The following TWSG1 variants were observed in gnomAD, a reference collection of about 807,000 sequenced individuals.
TWSG1 encodes twisted gastrulation protein homolog 1.
A neutral mutation model predicts 23.0 loss-of-function variants in TWSG1; 15 were observed. The observed-to-expected ratio is 0.65, with a 90% confidence interval of 0.44 to 1.00. TWSG1 has a LOEUF of 1.00. Ranked by LOEUF, TWSG1 falls within the 50% of genes least tolerant of loss-of-function variation. TWSG1 has a pLI of 0.00. For missense variants in TWSG1, 242 were observed against 278.7 expected (o/e 0.87, Z 0.94); for synonymous variants, 86 against 92.8 (o/e 0.93, Z 0.42).
chr18:9,362,415 C>G (rs1006100899), intron 3 of TWSG1, among the ~76,000 whole-genome samples: 1 of 152,080 alleles, frequency 6.6e-6, no homozygotes, highest in African/African-American at 2.4e-5. Flanking sequence ...GCCATGTTGC[C>G]CAGGCTGGTC....
intron 3 of TWSG1, among the ~76,000 whole-genome samples, chr18:9,364,530 C>T (rs889308701): frequency 9.2e-5 from 14 of 152,124 alleles, no homozygotes; most frequent in East Asian, 3.9e-4. Flanking sequence ...TGGTGGCTCA[C>T]GCGTATAATC....
chr18:9,387,746 G>C (rs1392380195), intron 3 of TWSG1, among the ~76,000 whole-genome samples: 1 of 146,544 alleles, frequency 6.8e-6, no homozygotes, highest in Non-Finnish European at 1.5e-5. Flanking sequence ...CTCTAGTCTG[G>C]GCAACAAGAG....
At chr18:9,371,575 G>A (rs529438351) in intron 3 of TWSG1, among the ~76,000 whole-genome samples, 1 of 152,092 alleles carries the variant, frequency 6.6e-6, no homozygotes, top group Admixed American at 6.5e-5. Context: ...GATTACAGGC[G>A]TGAGCCACTG....
At chr18:9,377,281 C>T (rs1193239278) in intron 3 of TWSG1, among the ~76,000 whole-genome samples, 6 of 150,180 alleles carry the variant, frequency 4.0e-5, no homozygotes, top group East Asian at 2.0e-4. Context: ...TGCAGTGGTG[C>T]GACCTCGGCT....
At chr18:9,355,038 C>A (rs2040519015) in intron 2 of TWSG1, among the ~76,000 whole-genome samples, 1 of 152,028 alleles carries the variant, frequency 6.6e-6, no homozygotes, top group African/African-American at 2.4e-5. Flanking sequence ...TCACTGCATA[C>A]TCCGCCTCCC....
At chr18:9,388,631 G>A (rs754920088) in intron 3 of TWSG1, among the ~76,000 whole-genome samples, 13 of 152,208 alleles carry the variant, frequency 8.5e-5, no homozygotes, top group Non-Finnish European at 1.8e-4. Flanking sequence ...TTTAATTTAT[G>A]AATGTTTTTG....
intron 1 of TWSG1, among the ~76,000 whole-genome samples, chr18:9,336,274 C>G (rs2040422726): frequency 6.6e-6 from 1 of 152,012 alleles, no homozygotes; most frequent in Non-Finnish European, 1.5e-5. Flanking sequence ...CTCCTGTGAT[C>G]CCAGCTACTC....
rs1385800800 is a variant in TWSG1, at chr18:9,351,638, T to G, written c.124-8334T>G. Reference sequence around the variant, plus strand: ...CCATGCTGGGTTTTTTTTTTTTTTTTTGTCTTTTTGTTTTTTTGTTTTTTG... The same window carrying G: ...CCATGCTGGGTTTTTTTTTTTTTTTGTGTCTTTTTGTTTTTTTGTTTTTTG... On this transcript the variant is annotated intron_variant, in intron 2 of 4. Transcript: ENST00000262120. 4.0e-5 allele frequency among the ~76,000 whole-genome samples: 6 copies of G among 150,454 alleles called. No homozygotes were observed. In the South Asian group the frequency reaches 8.4e-4, roughly 21 times the overall value.
chr18:9,361,482 G>A (rs1415296878), intron 3 of TWSG1, among the ~76,000 whole-genome samples: 1 of 152,170 alleles, frequency 6.6e-6, no homozygotes, highest in Non-Finnish European at 1.5e-5. Flanking sequence ...ATGGAATGTA[G>A]TTTGCCTCAC....
intron 3 of TWSG1, among the ~76,000 whole-genome samples, chr18:9,388,715 C>T (rs1242760255): frequency 1.3e-5 from 2 of 152,136 alleles, no homozygotes; most frequent in African/African-American, 2.4e-5. Flanking sequence ...AATGAGCTTT[C>T]ATTTATTTAT....
intron 3 of TWSG1, among the ~76,000 whole-genome samples, chr18:9,378,879 G>A (rs575144426): frequency 1.3e-5 from 2 of 150,660 alleles, no homozygotes; most frequent in East Asian, 1.9e-4. Flanking sequence ...TACTACAGAG[G>A]CTGAGGCTGG....
chr18:9,366,837 G>C (rs1397431323), intron 3 of TWSG1, among the ~76,000 whole-genome samples: 4 of 152,116 alleles, frequency 2.6e-5, no homozygotes, highest in African/African-American at 9.7e-5. Context: ...AGTGCAACAG[G>C]TTATTTTGAA....
At chr18:9,343,209 G>GA (rs2040454156) in intron 2 of TWSG1, among the ~76,000 whole-genome samples, 1 of 32,758 alleles carries the variant, frequency 3.1e-5, no homozygotes, top group African/African-American at 1.1e-4. Flanking sequence ...TTTGTTTTTT[G>GA]TTATATATAT....
chr18:9,379,065 C>G (rs1211445404), intron 3 of TWSG1, among the ~76,000 whole-genome samples: 4 of 152,182 alleles, frequency 2.6e-5, no homozygotes, highest in Admixed American at 1.3e-4. Context: ...CACTTACATA[C>G]TGCTGGTGGG....
chr18:9,395,047 G>T (rs1441184928), intron 3 of TWSG1, among the ~76,000 whole-genome samples: 3 of 152,148 alleles, frequency 2.0e-5, no homozygotes, highest in East Asian at 3.8e-4. Flanking sequence ...CCACGAACAT[G>T]TGATGCGTTT....
intron 3 of TWSG1, among the ~76,000 whole-genome samples, chr18:9,390,443 G>T (rs1307291569): frequency 1.3e-5 from 2 of 152,110 alleles, no homozygotes; most frequent in African/African-American, 2.4e-5. Flanking sequence ...TTACAGGCGT[G>T]AGCCACTGCG....
At chr18:9,357,528 G>T (rs894246528) in intron 2 of TWSG1, among the ~76,000 whole-genome samples, 1 of 152,160 alleles carries the variant, frequency 6.6e-6, no homozygotes, top group Non-Finnish European at 1.5e-5. Context: ...AAATATTGTG[G>T]TCTGTGTTTA....
At chr18:9,337,476 A>G in intron 2 of TWSG1, 124 bp downstream of exon 2, 3 of 1,018,484 alleles carry the variant, frequency 2.9e-6, no homozygotes, top group Non-Finnish European at 4.2e-6. Flanking sequence ...TCAGGGCCTG[A>G]GGTACTGAAT....
At chr18:9,396,581 C>T (rs1295866457) in intron 4 of TWSG1, 35 bp downstream of exon 4, 1 of 1,597,230 alleles carries the variant, frequency 6.3e-7, no homozygotes, top group Non-Finnish European at 8.5e-7. Flanking sequence ...CCATTCCGCC[C>T]CCTCATGTGG....
Sources: allele counts gnomAD v4.1 joint callset (sites outside exome capture counted in the v4.1 genomes callset), GRCh38; gene constraint gnomAD v4.1.1; transcripts MANE v1.5; gene names NCBI Gene and HGNC (gene_info 2026-07-23, HGNC 2026-07-21).